Variants in GART observed in about 807,000 individuals in gnomAD.
GART encodes trifunctional purine biosynthetic protein adenosine-3.
A neutral mutation model predicts 107.2 loss-of-function variants in GART; 43 were observed. The ratio of observed to expected loss-of-function variants is 0.40; its 90% CI spans 0.31 to 0.52. GART has a LOEUF of 0.52. Ranked by LOEUF, GART falls within the 20% of genes least tolerant of loss-of-function variation. The probability of loss-of-function intolerance (pLI) is 0.52; values close to 1 mark genes in which losing one functional copy is unlikely to be tolerated. For missense variants in GART, 1,107 were observed against 1,206.5 expected, an observed-to-expected ratio of 0.92 and a Z score of 1.22; for synonymous variants, 434 against 427.0, an observed-to-expected ratio of 1.02 and a Z score of -0.20.
chr21:33,532,965 A>G (rs543147766), intron 4 of GART, among the ~76,000 whole-genome samples: 1 of 152,282 alleles, frequency 6.6e-6, no homozygotes, highest in East Asian at 1.9e-4. Context: ...TTCAGTGTTT[A>G]AGAAACTCTT....
At chr21:33,511,129 A>T in intron 17 of GART, 123 bp downstream of exon 17, 1 of 924,838 alleles carries the variant, frequency 1.1e-6, no homozygotes, top group East Asian at 2.4e-5. Context: ...ATCTGTGTAA[A>T]GATAGTTGCC....
At chr21:33,524,653 C>T in intron 11 of GART, 116 bp downstream of exon 11, 1 of 1,488,292 alleles carries the variant, frequency 6.7e-7, no homozygotes, top group Non-Finnish European at 8.9e-7. Flanking sequence ...AAGACTGTAT[C>T]ACTCCCACAG....
intron 13 of GART, 142 bp downstream of exon 13, chr21:33,520,764 G>T: frequency 1.4e-6 from 1 of 723,592 alleles, no homozygotes; most frequent in Non-Finnish European, 2.3e-6. Flanking sequence ...TATTAGAAAT[G>T]TGCAGATATT....
intron 16 of GART, among the ~76,000 whole-genome samples, chr21:33,513,592 T>G (rs2084828574): frequency 1.3e-5 from 2 of 151,966 alleles, no homozygotes; most frequent in Non-Finnish European, 2.9e-5. Flanking sequence ...TAAATAAAAA[T>G]AAAAATGAAT....
chr21:33,522,354 G>A (rs1017225463), intron 11 of GART, 72 bp from the exon 12 acceptor site: 2 of 1,182,378 alleles, frequency 1.7e-6, no homozygotes, highest in African/African-American at 3.1e-5. Context: ...ATTATTTAAA[G>A]CAGAAGATAT....
chr21:33,517,305 A>G, intron 15 of GART, 52 bp downstream of exon 15: 3 of 1,606,456 alleles, frequency 1.9e-6, no homozygotes, highest in Non-Finnish European at 1.7e-6. Flanking sequence ...AAACCACTAA[A>G]TGCTTGCTCA....
At chr21:33,526,617 T>TA (rs2145730148) in intron 10 of GART, among the ~76,000 whole-genome samples, 1 of 152,230 alleles carries the variant, frequency 6.6e-6, no homozygotes, top group African/African-American at 2.4e-5. Flanking sequence ...ATGCAAAACA[T>TA]AAGTAATCTT....
chr21:33,520,587 C>G, intron 13 of GART, 25 bp from the exon 14 acceptor site: 1 of 1,589,078 alleles, frequency 6.3e-7, no homozygotes, highest in East Asian at 2.2e-5. Context: ...TATAAACATC[C>G]ACATTAGGGA....
chr21:33,520,645 C>T (rs889013093), intron 13 of GART, 83 bp from the exon 14 acceptor site: 1 of 1,241,922 alleles, frequency 8.1e-7, no homozygotes, highest in Non-Finnish European at 1.1e-6. Flanking sequence ...GCTCTTAACA[C>T]CTAAAAACAA....
intron 18 of GART, 173 bp downstream of exon 18, chr21:33,509,610 C>A: frequency 3.7e-6 from 2 of 534,380 alleles, no homozygotes; most frequent in Non-Finnish European, 3.0e-6. Flanking sequence ...GGAGCTGTCT[C>A]AAATTCCTAA....
At chr21:33,529,116 G>A (rs1411858785) in intron 7 of GART, among the ~76,000 whole-genome samples, 179 bp from the exon 8 acceptor site, 1 of 152,138 alleles carries the variant, frequency 6.6e-6, no homozygotes. Context: ...ACTCTGTCAA[G>A]TAGGTATTTT....
intron 2 of GART, among the ~76,000 whole-genome samples, chr21:33,536,215 G>A (rs1206622327): frequency 2.0e-5 from 3 of 152,148 alleles, no homozygotes; most frequent in Non-Finnish European, 4.4e-5. Context: ...GATCTCTTTG[G>A]GGCAGAGCTG....
rs150059133 is a variant in GART, at chr21:33,519,691, G to A, written c.1702+673C>T. ...AAAAGTACAAAAATTAGCTGGGTTG[G>A]TGACACATGCCTGTAGTTCCCAACT... On this transcript the variant is annotated intron_variant, in intron 14 of 21. Coordinates refer to ENST00000381815, the MANE Select transcript of GART (RefSeq NM_000819.5). 3.6e-3 allele frequency among the ~76,000 whole-genome samples: 541 copies of A among 152,066 alleles called. 3 individuals carry two copies. The highest frequency in any genetic ancestry group is 0.012 in the African/African-American group (514 of 41,488).
chr21:33,523,175 T>A (rs1434065131), intron 11 of GART, among the ~76,000 whole-genome samples: 1 of 152,182 alleles, frequency 6.6e-6, no homozygotes, highest in Non-Finnish European at 1.5e-5. Flanking sequence ...TCTGGCCTGC[T>A]GGGATGCAGT....
At chr21:33,518,954 C>T (rs1424122137) in intron 14 of GART, 2 of 427,340 alleles carry the variant, frequency 4.7e-6, no homozygotes, top group Non-Finnish European at 9.2e-6. Flanking sequence ...AAGTGGATCT[C>T]TGGTCTTCAT....
Position 33,517,514 on chromosome 21 carries a change from G to A in GART, c.1797C>T (p.Leu599=), listed in dbSNP as rs1390625837. The stretch of plus-strand genomic sequence containing the variant: ...CCTCAGTGATTCTTTCCAGGTGAGG[G>A]AGTTTCTGATCTCGCTCCATGGCAC... ...AVGAMERDQK[L]PHLERITEGD... Residue 599 remains leucine (L), a synonymous_variant, in exon 15 of 22, where the codon CTC becomes CTT. Coordinates refer to ENST00000381815, the MANE Select transcript of GART (RefSeq NM_000819.5). 2.5e-6 allele frequency: 4 copies of A among 1,614,060 alleles called. No homozygotes were observed. The highest frequency in any genetic ancestry group is 3.4e-6 in the Non-Finnish European group (4 of 1,180,034).
intron 13 of GART, 167 bp from the exon 14 acceptor site, chr21:33,520,729 A>AG (rs1266277267): frequency 3.5e-5 from 25 of 705,194 alleles, no homozygotes; most frequent in Admixed American, 2.1e-4. Flanking sequence ...CCTTCCATCC[A>AG]AATATAATCT....
At chr21:33,505,485 T>C (rs543284865) in intron 20 of GART, 76 bp downstream of exon 20, 1 of 1,321,570 alleles carries the variant, frequency 7.6e-7, no homozygotes, top group South Asian at 1.5e-5. Context: ...ACTACTGGGA[T>C]TGTTTGGCAA....
chr21:33,514,847 A>T (rs1331825794), intron 16 of GART, among the ~76,000 whole-genome samples: 1 of 151,940 alleles, frequency 6.6e-6, no homozygotes, highest in African/African-American at 2.4e-5. Flanking sequence ...CTGAAATCCC[A>T]TCTGACCACT....
Sources: allele counts gnomAD v4.1 joint callset (sites outside exome capture counted in the v4.1 genomes callset), GRCh38; gene constraint gnomAD v4.1.1; transcripts MANE v1.5; gene names NCBI Gene and HGNC (gene_info 2026-07-23, HGNC 2026-07-21).